Variants in NSG1 observed in about 807,000 individuals in gnomAD.
NSG1 encodes the protein neuronal vesicle trafficking associated 1.
NSG1 carries 9 observed loss-of-function variants against 19.3 expected under a neutral mutation model. The ratio of observed to expected loss-of-function variants is 0.47; its 90% CI spans 0.28 to 0.81. The LOEUF (loss-of-function observed/expected upper bound fraction) is 0.81, where lower values mean the gene tolerates loss of function less well. Among genes scored for constraint, NSG1 ranks in the 40% least tolerant of loss-of-function variants. The pLI, the probability that NSG1 is intolerant of heterozygous loss-of-function variation, is 0.11. For synonymous variants in NSG1, 104 were observed against 107.0 expected, an observed-to-expected ratio of 0.97 and a Z score of 0.17; for missense variants, 236 against 242.4, an observed-to-expected ratio of 0.97 and a Z score of 0.18.
chr4:4,387,561 C>CCGGGGGGGGGTGGG, intron 1 of NSG1, 43 bp from the exon 2 acceptor site: 7 of 1,141,982 alleles, frequency 6.1e-6, no homozygotes, highest in East Asian at 2.7e-5. Context: ...CGCCCCGCCC[C>CCGGGGGGGGGTGGG]GGGTCTTGCT....
chr4:4,413,105 A>G (rs1167900876), intron 4 of NSG1, among the ~76,000 whole-genome samples: 2 of 152,000 alleles, frequency 1.3e-5, no homozygotes, highest in African/African-American at 4.8e-5. Flanking sequence ...AGCTCTTGCT[A>G]TTGTTCTAGG....
At chr4:4,414,681 G>C (rs1724419295) in intron 4 of NSG1, among the ~76,000 whole-genome samples, 2 of 152,298 alleles carry the variant, frequency 1.3e-5, no homozygotes, top group South Asian at 4.1e-4. Context: ...CATTTTACCA[G>C]TGGTTAGAGG....
At chr4:4,416,315 A>G (rs1365138988) in intron 4 of NSG1, among the ~76,000 whole-genome samples, 1 of 152,082 alleles carries the variant, frequency 6.6e-6, no homozygotes, top group Non-Finnish European at 1.5e-5. Flanking sequence ...AGCACATTCC[A>G]TTTGTCATTT....
chr4:4,390,998 G>A (rs923903277), intron 2 of NSG1, among the ~76,000 whole-genome samples: 2 of 152,174 alleles, frequency 1.3e-5, no homozygotes, highest in African/African-American at 2.4e-5. Flanking sequence ...AGACAAGCTG[G>A]TGGCCAGCTT....
intron 3 of NSG1, among the ~76,000 whole-genome samples, chr4:4,401,812 G>A (rs1560142983): frequency 6.6e-6 from 1 of 152,028 alleles, no homozygotes; most frequent in African/African-American, 2.4e-5. Context: ...AGAAAATTTT[G>A]ACTGCTTTGA....
Position 4,387,717 on chromosome 4 carries a change from C to T in NSG1, c.88C>T (p.Pro30Ser), listed in dbSNP as rs757558728. The T allele has an allele frequency of 6.2e-7, 1 of 1,612,828 alleles. No individual in the cohort carries two copies. Among genetic ancestry groups the T allele is most frequent in the African/African-American group, 1.3e-5 (1 of 74,902 alleles). Residue 30 changes from proline to serine, a missense_variant, in exon 2 of 5, where the codon CCC becomes TCC. Coordinates refer to ENST00000621129, the MANE Select transcript of NSG1 (RefSeq NM_014392.5). The stretch of plus-strand genomic sequence containing the variant: ...CTTCGACACCATTCCCCTGATGACG[C>T]CCCTCGATGTCAATCAGCTGCAGTT... ...DGFDTIPLMTPLDVNQLQFPP... is the reference protein window; with the variant it reads ...DGFDTIPLMTSLDVNQLQFPP...
chr4:4,394,158 T>A (rs558373055), intron 3 of NSG1, among the ~76,000 whole-genome samples: 5 of 152,132 alleles, frequency 3.3e-5, no homozygotes, highest in Non-Finnish European at 7.4e-5. Flanking sequence ...GCACCAGAGG[T>A]CCTTGGTTTC....
intron 1 of NSG1, 29 bp from the exon 2 acceptor site, chr4:4,387,572 TGTG>T (rs1456023137): frequency 6.3e-5 from 42 of 661,988 alleles, no homozygotes; most frequent in Middle Eastern, 3.5e-4. Context: ...GGGTCTTGCT[TGTG>T]GTGACTCCCC....
chr4:4,402,588 G>GT (rs1266181933), intron 3 of NSG1, among the ~76,000 whole-genome samples: 2 of 151,044 alleles, frequency 1.3e-5, no homozygotes, highest in Non-Finnish European at 3.0e-5. Flanking sequence ...GGGTTTCACC[G>GT]TTTTTTAGCC....
chr4:4,413,371 A>G (rs1724329080), intron 4 of NSG1, among the ~76,000 whole-genome samples: 1 of 151,190 alleles, frequency 6.6e-6, no homozygotes, highest in South Asian at 2.1e-4. Flanking sequence ...CAGCCAAGGA[A>G]AGCCCCCACC....
intron 3 of NSG1, among the ~76,000 whole-genome samples, chr4:4,398,775 T>C (rs565455596): frequency 1.3e-5 from 2 of 152,330 alleles, no homozygotes; most frequent in Admixed American, 1.3e-4. Context: ...TTTGTTTGAA[T>C]ACCTGTTGAA....
chr4:4,416,061 C>T (rs1255596217), intron 4 of NSG1: 1 of 702,168 alleles, frequency 1.4e-6, no homozygotes, highest in East Asian at 2.7e-5. Context: ...ACACTGTGAC[C>T]TGGGGCACAT....
At chr4:4,396,492 C>A (rs56324286) in intron 3 of NSG1, among the ~76,000 whole-genome samples, 1 of 152,166 alleles carries the variant, frequency 6.6e-6, no homozygotes, top group Non-Finnish European at 1.5e-5. Flanking sequence ...CGGCTTTGCA[C>A]GGGAACACCT....
intron 1 of NSG1, 43 bp from the exon 2 acceptor site, chr4:4,387,561 C>CCGGGGTGGGGGTG: frequency 1.8e-6 from 2 of 1,141,990 alleles, no homozygotes; most frequent in Non-Finnish European, 2.5e-6. Flanking sequence ...CGCCCCGCCC[C>CCGGGGTGGGGGTG]GGGTCTTGCT....
chr4:4,403,169 G>T (rs62287949), intron 3 of NSG1, among the ~76,000 whole-genome samples: 1,792 of 152,324 alleles, frequency 0.012, 15 homozygotes, highest in Non-Finnish European at 0.016. Flanking sequence ...TCACAGCCCT[G>T]CCCTCGGGGG....
At chr4:4,387,904 T>G (rs1577276985) in intron 2 of NSG1, 146 bp downstream of exon 2, 4 of 685,300 alleles carry the variant, frequency 5.8e-6, no homozygotes, top group Non-Finnish European at 7.6e-6. Context: ...GCGAGGACAG[T>G]GTACCCGCGC....
intron 3 of NSG1, among the ~76,000 whole-genome samples, chr4:4,405,805 T>C (rs1723820630): frequency 6.6e-6 from 1 of 152,208 alleles, no homozygotes; most frequent in Non-Finnish European, 1.5e-5. Flanking sequence ...GCATTCTCGT[T>C]GCACGGTTCG....
Position 4,417,693 on chromosome 4 carries a change from AT to A in NSG1, c.*261del. 2.0e-6 allele frequency: 1 copy of A among 496,472 alleles called. No homozygotes were observed. Among genetic ancestry groups the A allele is most frequent in the South Asian group, 2.2e-5 (1 of 44,722 alleles). 30.8% of individuals were successfully genotyped at this position (496,472 alleles called of 1,614,324 possible). Reference sequence around the variant, plus strand: ...ATCTTCATTTAGCTCCTTTACTGGGATTTATTGGATGCTGTAAAAAAATAAA... The same window carrying A: ...ATCTTCATTTAGCTCCTTTACTGGGATTATTGGATGCTGTAAAAAAATAAA... On this transcript the variant is annotated 3_prime_UTR_variant, in exon 5 of 5. Coordinates refer to ENST00000621129, the MANE Select transcript of NSG1 (RefSeq NM_014392.5).
At chr4:4,397,260 C>T (rs557372512) in intron 3 of NSG1, among the ~76,000 whole-genome samples, 178 of 152,166 alleles carry the variant, frequency 1.2e-3, no homozygotes, top group Non-Finnish European at 2.1e-3. Context: ...CCAGCGCCGT[C>T]GACCTGGCGC....
Sources: allele counts gnomAD v4.1 joint callset (sites outside exome capture counted in the v4.1 genomes callset), GRCh38; gene constraint gnomAD v4.1.1; transcripts MANE v1.5; gene names NCBI Gene and HGNC (gene_info 2026-07-23, HGNC 2026-07-21).